ASH1L: variants seen among roughly 807,000 people sequenced by gnomAD.
The protein encoded by ASH1L is histone-lysine N-methyltransferase ASH1L.
A neutral mutation model predicts 269.0 loss-of-function variants in ASH1L; 23 were observed. The ratio of observed to expected loss-of-function variants is 0.09; its 90% CI spans 0.06 to 0.12. ASH1L has a LOEUF of 0.12. Among genes scored for constraint, ASH1L ranks in the 10% least tolerant of loss-of-function variants. The probability of loss-of-function intolerance (pLI) is 1.00; values close to 1 mark genes in which losing one functional copy is unlikely to be tolerated. For synonymous variants in ASH1L, 1,187 were observed against 1,253.5 expected (o/e 0.95, Z 1.12); for missense variants, 2,912 against 3,567.8 (o/e 0.82, Z 4.68).
At chr1:155,529,762 G>A (rs540749130) in intron 1 of ASH1L, among the ~76,000 whole-genome samples, 1 of 152,114 alleles carries the variant, frequency 6.6e-6, no homozygotes, top group South Asian at 2.1e-4. Flanking sequence ...CTCCCTCAAA[G>A]CAGAAGCCAA....
rs1571092328 is a variant in ASH1L at position 155,395,359 on chromosome 1, T to C, written c.6103+100A>G. 3.4e-6 allele frequency: 3 copies of C among 873,060 alleles called. No individual in the cohort carries two copies. The East Asian group carries it at 8.7e-5, about 25-fold the overall frequency. The allele number at this position is 873,060 out of a possible 1,614,324, so 54.1% of individuals were successfully genotyped here. A position where few individuals can be genotyped will look rare whatever the true frequency, so the allele number is the denominator to read the frequency against. ...TGGTAAAGAAAGAGCTTGATCCCAC[T>C]GGAGAAATAGAAATAATAACAAGAT... On this transcript the variant is annotated intron_variant, in intron 7 of 27. Coordinates refer to ENST00000392403, the MANE Select transcript of ASH1L (RefSeq NM_018489.3).
rs773449798 is a variant in ASH1L, at chr1:155,335,483, CTG to C, written c.*2175_*2176del. 6.5e-6 allele frequency: 1 copy of C among 152,760 alleles called. No individual in the cohort carries two copies. Among genetic ancestry groups the C allele is most frequent in the Non-Finnish European group, 1.5e-5 (1 of 68,036 alleles). The allele number at this position is 152,760 out of a possible 1,614,324, so 9.5% of individuals were successfully genotyped here. ...CAGCCTACAGACATGCAGACTAACTCTGTATCTATTTGCAGTGATGTAGTGCT... is the reference window on the plus strand; with the variant it reads ...CAGCCTACAGACATGCAGACTAACTCTATCTATTTGCAGTGATGTAGTGCT... On this transcript the variant is annotated 3_prime_UTR_variant, in exon 28 of 28. Transcript: ENST00000392403.
chr1:155,389,408 C>T (rs1468065431), intron 7 of ASH1L, among the ~76,000 whole-genome samples: 2 of 152,022 alleles, frequency 1.3e-5, no homozygotes, highest in African/African-American at 2.4e-5. Flanking sequence ...CGCGGTGGCT[C>T]ATGCCTGTAA....
intron 2 of ASH1L, among the ~76,000 whole-genome samples, chr1:155,519,379 T>G (rs567926761): frequency 1.3e-5 from 2 of 151,920 alleles, no homozygotes; most frequent in Non-Finnish European, 2.9e-5. Context: ...GAGGTTGCAG[T>G]GAGCCGAGAT....
At chr1:155,408,403 C>G (rs1377815459) in intron 6 of ASH1L, among the ~76,000 whole-genome samples, 4 of 152,058 alleles carry the variant, frequency 2.6e-5, no homozygotes, top group Non-Finnish European at 5.9e-5. Flanking sequence ...AACAAATACC[C>G]TAGTAGAAAA....
intron 12 of ASH1L, among the ~76,000 whole-genome samples, chr1:155,367,694 C>T (rs942996408): frequency 6.6e-6 from 1 of 152,052 alleles, no homozygotes; most frequent in African/African-American, 2.4e-5. Flanking sequence ...TTTTCTGCTT[C>T]TATTGAGACA....
intron 2 of ASH1L, among the ~76,000 whole-genome samples, chr1:155,495,629 TAC>T (rs1667097028): frequency 6.6e-6 from 1 of 152,224 alleles, no homozygotes; most frequent in Admixed American, 6.5e-5. Context: ...GACATTACTG[TAC>T]ACTACTGTTG....
intron 4 of ASH1L, among the ~76,000 whole-genome samples, chr1:155,454,272 C>T (rs552716734): frequency 6.6e-6 from 1 of 152,318 alleles, no homozygotes; most frequent in South Asian, 2.1e-4. Context: ...CACAAGGTTA[C>T]ATGATATTGC....
intron 17 of ASH1L, among the ~76,000 whole-genome samples, chr1:155,350,920 TA>T (rs71077999): frequency 7.5e-6 from 1 of 134,122 alleles, no homozygotes. Flanking sequence ...GACTCCGTCC[TA>T]AAAAAAAAAA....
chr1:155,426,113 G>A (rs1484614802), intron 5 of ASH1L, among the ~76,000 whole-genome samples: 4 of 151,878 alleles, frequency 2.6e-5, no homozygotes, highest in South Asian at 2.1e-4. Flanking sequence ...CACCCAGGCT[G>A]GAGTGCAATG....
At chr1:155,426,403 G>T (rs750937591) in intron 5 of ASH1L, among the ~76,000 whole-genome samples, 32 of 151,892 alleles carry the variant, frequency 2.1e-4, no homozygotes, top group Non-Finnish European at 3.2e-4. Flanking sequence ...GGGTTTCACC[G>T]TGTTAGCCAG....
chr1:155,423,564 T>C (rs1482030803), intron 5 of ASH1L, among the ~76,000 whole-genome samples: 1 of 151,904 alleles, frequency 6.6e-6, no homozygotes, highest in Non-Finnish European at 1.5e-5. Flanking sequence ...CAAGACTCTG[T>C]CTCAAAAACA....
At chr1:155,515,682 G>A (rs1402018195) in intron 2 of ASH1L, among the ~76,000 whole-genome samples, 2 of 151,770 alleles carry the variant, frequency 1.3e-5, no homozygotes, top group African/African-American at 2.4e-5. Flanking sequence ...ACAAAAATTA[G>A]CCAGGTATGG....
At chr1:155,351,907 G>A (rs1222222106) in intron 17 of ASH1L, among the ~76,000 whole-genome samples, 1 of 151,614 alleles carries the variant, frequency 6.6e-6, no homozygotes, top group Non-Finnish European at 1.5e-5. Flanking sequence ...CTATTACTCT[G>A]TTGGGTATGG....
intron 1 of ASH1L, among the ~76,000 whole-genome samples, chr1:155,555,757 A>G (rs1345535011): frequency 1.3e-5 from 2 of 152,174 alleles, no homozygotes; most frequent in African/African-American, 2.4e-5. Flanking sequence ...TTCCCTACTG[A>G]TAAGTAATAT....
In ASH1L at chr1:155,415,957, GA is replaced by G. The variant is rs11345039; in HGVS notation, c.5829-35del. 6,555 of 1,358,446 alleles carry G rather than the reference GA, an allele frequency of 4.8e-3. 250 individuals carry two copies. In the African/African-American group the frequency reaches 0.088, roughly 18 times the overall value. The allele number at this position is 1,358,446 out of a possible 1,614,324, so 84.1% of individuals were successfully genotyped here. ...AGAAGTTTAAAGATAATTTTATTAT[GA>G]AAAAAAAGTTTTCCTACAAATAATT... is the stretch of plus-strand genomic sequence containing the variant. On this transcript the variant is annotated intron_variant, in intron 5 of 27. Transcript: ENST00000392403.
intron 2 of ASH1L, among the ~76,000 whole-genome samples, chr1:155,486,806 T>A (rs567851405): frequency 6.6e-6 from 1 of 151,306 alleles, no homozygotes; most frequent in Admixed American, 6.6e-5. Flanking sequence ...TTAAAACTTA[T>A]CCTTAAAAAT....
chr1:155,520,359 C>CAAAAAAAAA (rs57127431), intron 2 of ASH1L: 13 of 24,214 alleles, frequency 5.4e-4, no homozygotes, highest in South Asian at 2.3e-3. Context: ...GACTCCATCT[C>CAAAAAAAAA]AAAAAAAAAA....
At chr1:155,434,035 C>T (rs2148604889) in intron 5 of ASH1L, 1 of 1,590,430 alleles carries the variant, frequency 6.3e-7, no homozygotes, top group East Asian at 2.3e-5. Flanking sequence ...GCCAGAAAGG[C>T]AAGCAATCAA....
Sources: gnomAD v4.1 joint callset for allele counts (sites outside exome capture counted in the v4.1 genomes callset) on GRCh38, gnomAD v4.1.1 for gene constraint, MANE v1.5 for transcripts, NCBI Gene and HGNC (gene_info 2026-07-23, HGNC 2026-07-21) for gene names.